The following FNBP4 variants were observed in gnomAD, a reference collection of about 807,000 sequenced individuals.
FNBP4 encodes formin-binding protein 4.
FNBP4 carries 34 observed loss-of-function variants against 119.3 expected under a neutral mutation model. The observed-to-expected ratio is 0.28, with a 90% confidence interval of 0.22 to 0.38. The LOEUF (loss-of-function observed/expected upper bound fraction) is 0.38. Among genes scored for constraint, FNBP4 ranks in the 10% least tolerant of loss-of-function variants. The probability of loss-of-function intolerance (pLI) is 1.00; values close to 1 mark genes in which losing one functional copy is unlikely to be tolerated. For synonymous variants in FNBP4, 462 were observed against 430.6 expected (o/e 1.07, Z -0.90); for missense variants, 1,112 against 1,228.9 (o/e 0.90, Z 1.42).
intron 3 of FNBP4, among the ~76,000 whole-genome samples, chr11:47,754,176 G>A (rs1293891356): frequency 2.0e-5 from 3 of 149,338 alleles, no homozygotes; most frequent in Non-Finnish European, 3.0e-5. Flanking sequence ...CGCTGCACTC[G>A]AGACTGGGCA....
intron 8 of FNBP4, among the ~76,000 whole-genome samples, chr11:47,738,034 C>A (rs140660777): frequency 2.0e-5 from 3 of 152,156 alleles, no homozygotes; most frequent in Non-Finnish European, 4.4e-5. Context: ...TTAGCCACCA[C>A]GCCCGGCATG....
intron 6 of FNBP4, among the ~76,000 whole-genome samples, chr11:47,746,806 C>T (rs143114508): frequency 6.5e-4 from 99 of 152,102 alleles, no homozygotes; most frequent in African/African-American, 1.9e-3. Context: ...CCACCGTGCC[C>T]GGCCAAAACC....
chr11:47,760,428 ATTTT>A (rs1213850384), intron 2 of FNBP4, among the ~76,000 whole-genome samples: 1 of 140,010 alleles, frequency 7.1e-6, no homozygotes, highest in Non-Finnish European at 1.5e-5. Context: ...TAATTTTTGT[ATTTT>A]TTTGTTTTTT....
chr11:47,745,936 A>G (rs532141756), intron 7 of FNBP4, 120 bp downstream of exon 7: 2 of 857,300 alleles, frequency 2.3e-6, no homozygotes, highest in Admixed American at 5.6e-5. Flanking sequence ...AAGCTTCAAC[A>G]TACCTAGATG....
intron 2 of FNBP4, 78 bp from the exon 3 acceptor site, chr11:47,754,742 CAT>C (rs767027218): frequency 5.4e-4 from 820 of 1,506,102 alleles, no homozygotes; most frequent in Non-Finnish European, 6.9e-4. Flanking sequence ...GGAAGTATAA[CAT>C]GTTTTTTTTA....
chr11:47,748,532 G>A (rs1306930071), intron 6 of FNBP4, among the ~76,000 whole-genome samples: 3 of 151,768 alleles, frequency 2.0e-5, no homozygotes, highest in African/African-American at 7.3e-5. Flanking sequence ...GTGCTACCTT[G>A]CCTGGGTAAT....
chr11:47,725,846 T>C, intron 12 of FNBP4: 4 of 918,068 alleles, frequency 4.4e-6, no homozygotes, highest in South Asian at 5.0e-5. Context: ...CCTAAAATCA[T>C]AGAATTTAGG....
chr11:47,723,992 T>C, intron 14 of FNBP4, 36 bp downstream of exon 14: 11 of 1,587,874 alleles, frequency 6.9e-6, no homozygotes, highest in African/African-American at 2.7e-5. Flanking sequence ...AAAGAAACAA[T>C]ACATTGAGGA....
In FNBP4 at chr11:47,751,304, C is replaced by T. The variant is rs573088152; in HGVS notation, c.638-14G>A. On this transcript the variant is annotated splice_polypyrimidine_tract_variant and intron_variant, in intron 4 of 16. Transcript: ENST00000263773. ...TCTCAATTCCGACTAGAAGATAAAACAAATTTTAAGCACAAATCCCTCTAC... is the reference window on the plus strand; with the variant it reads ...TCTCAATTCCGACTAGAAGATAAAATAAATTTTAAGCACAAATCCCTCTAC... 1.2e-6 allele frequency: 2 copies of T among 1,613,644 alleles called. No individual in the cohort carries two copies. Among genetic ancestry groups the T allele is most frequent in the South Asian group, 2.2e-5 (2 of 91,050 alleles).
intron 6 of FNBP4, among the ~76,000 whole-genome samples, chr11:47,749,226 G>GT (rs1269127572): frequency 1.3e-5 from 2 of 152,084 alleles, no homozygotes; most frequent in African/African-American, 2.4e-5. Flanking sequence ...AGCCATGGTC[G>GT]TGCCACTGTA....
chr11:47,722,039 AAAAAAAAAAAAAAAGG>A (rs2097556301), intron 15 of FNBP4, among the ~76,000 whole-genome samples: 2 of 113,184 alleles, frequency 1.8e-5, no homozygotes, highest in Non-Finnish European at 3.8e-5. Flanking sequence ...AAAAAAAAAA[AAAAAAAAAAAAAAAGG>A]AAAAAAAAAT....
rs771711441 is a variant in FNBP4, at chr11:47,719,943, C to T, written c.2949G>A (p.Gln983=). Residue 983 remains glutamine, a synonymous_variant, in exon 16 of 17, where the codon CAG becomes CAA. Transcript: ENST00000263773. ...TAQKRIEEWK[Q]QQLVSGMAER... ...TTTTCTTTTACCTAACCAGCTGCTGCTGTTTCCACTCTTCAATTCGCTTCT... is the reference window on the plus strand; with the variant it reads ...TTTTCTTTTACCTAACCAGCTGCTGTTGTTTCCACTCTTCAATTCGCTTCT... 1 of 1,613,822 alleles carries T rather than the reference C, an allele frequency of 6.2e-7. No homozygotes were observed. The highest frequency in any genetic ancestry group is 1.1e-5 in the South Asian group (1 of 91,028).
intron 10 of FNBP4, 134 bp downstream of exon 10, chr11:47,733,891 C>T (rs375319469): frequency 1.8e-5 from 9 of 502,622 alleles, no homozygotes; most frequent in Admixed American, 1.1e-4. Flanking sequence ...CCTGGATTGT[C>T]GGCTCAAATA....
intron 10 of FNBP4, among the ~76,000 whole-genome samples, chr11:47,733,420 T>A (rs1219693060): frequency 6.6e-6 from 1 of 151,936 alleles, no homozygotes; most frequent in Non-Finnish European, 1.5e-5. Context: ...CTCGCAACCT[T>A]CACCTCCTGG....
chr11:47,722,055 G>GA (rs370004936), intron 15 of FNBP4, among the ~76,000 whole-genome samples: 6,527 of 53,300 alleles, frequency 0.12, 1,121 homozygotes, highest in Non-Finnish European at 0.18. Context: ...AAAAAAAAAG[G>GA]AAAAAAAAAT....
chr11:47,756,008 T>A (rs1414957327), intron 2 of FNBP4, among the ~76,000 whole-genome samples: 1 of 152,148 alleles, frequency 6.6e-6, no homozygotes. Context: ...AAATAAAGAC[T>A]TTCAAAGTTA....
At position 47,752,904 on chromosome 11, in the gene FNBP4, G is replaced by T; in HGVS notation, c.637+12C>A. 6.3e-7 allele frequency: 1 copy of T among 1,595,802 alleles called. No individual in the cohort carries two copies. Among genetic ancestry groups the T allele is most frequent in the Non-Finnish European group, 8.5e-7 (1 of 1,170,320 alleles). The stretch of plus-strand genomic sequence containing the variant: ...TTTTACTTTTCTTTAAAAATCAAAG[G>T]ATCAAGTTTACCTCCTGCCAGTGAA... On this transcript the variant is annotated intron_variant, in intron 4 of 16. Coordinates refer to ENST00000263773, the MANE Select transcript of FNBP4 (RefSeq NM_015308.5).
At position 47,767,226 on chromosome 11, in the gene FNBP4, A is replaced by G. The variant is rs1375906594; in HGVS notation, c.63T>C (p.Gly21=). Residue 21 remains glycine (G), a synonymous_variant, in exon 1 of 17, where the codon GGT becomes GGC. Coordinates refer to ENST00000263773, the MANE Select transcript of FNBP4 (RefSeq NM_015308.5). Reference sequence around the variant, plus strand: ...CCCGGCCCGGCGTGCTGCCCCGAGGACCCGGCGGAGAGAGTTGCAGGATGG... The same window carrying G: ...CCCGGCCCGGCGTGCTGCCCCGAGGGCCCGGCGGAGAGAGTTGCAGGATGG... ...RRPILQLSPP[G]PRGSTPGRDP... is the part of the protein sequence containing the mutation. 6.4e-7 allele frequency: 1 copy of G among 1,569,308 alleles called. No individual in the cohort carries two copies.
chr11:47,718,434 G>A (rs1269449527), intron 16 of FNBP4, among the ~76,000 whole-genome samples: 4 of 151,520 alleles, frequency 2.6e-5, no homozygotes, highest in Non-Finnish European at 2.9e-5. Context: ...GGCTGGTCTC[G>A]AACTCCTGAC....
Sources: gnomAD v4.1 joint callset for allele counts (sites outside exome capture counted in the v4.1 genomes callset) on GRCh38, gnomAD v4.1.1 for gene constraint, MANE v1.5 for transcripts, NCBI Gene and HGNC (gene_info 2026-07-23, HGNC 2026-07-21) for gene names.